The following ERG variants were observed in gnomAD, a reference collection of about 807,000 sequenced individuals.
ERG encodes the protein transcriptional regulator ERG.
In ERG, 9 loss-of-function variants were observed where a neutral mutation model predicts 55.3. The ratio of observed to expected loss-of-function variants is 0.16; its 90% CI spans 0.10 to 0.28. The LOEUF (loss-of-function observed/expected upper bound fraction) is 0.28, where lower values mean the gene tolerates loss of function less well. ERG is among the 10% of genes least tolerant of loss of function. The pLI, the probability that ERG is intolerant of heterozygous loss-of-function variation, is 1.00. For synonymous variants in ERG, 223 were observed against 237.3 expected (o/e 0.94, Z 0.55); for missense variants, 434 against 631.6 (o/e 0.69, Z 3.35).
intron 2 of ERG, among the ~76,000 whole-genome samples, chr21:38,503,544 AT>A (rs5843913): frequency 0.34 from 51,446 of 151,862 alleles, 9,273 homozygotes; most frequent in Middle Eastern, 0.47. Context: ...ATGTCTCGGC[AT>A]TCGGGAAGCC....
chr21:38,543,674 T>C (rs1230729326), intron 2 of ERG, among the ~76,000 whole-genome samples: 5 of 151,730 alleles, frequency 3.3e-5, no homozygotes, highest in Non-Finnish European at 5.9e-5. Context: ...AAGAGTAAAG[T>C]TAATAGCCTG....
At chr21:38,553,816 A>G (rs1019528230) in intron 2 of ERG, among the ~76,000 whole-genome samples, 1 of 152,140 alleles carries the variant, frequency 6.6e-6, no homozygotes, top group Non-Finnish European at 1.5e-5. Flanking sequence ...CAACAAAAAC[A>G]GAAATTGACA....
At position 38,610,618 on chromosome 21, in the gene ERG, T is replaced by C. The variant is rs150107520; in HGVS notation, c.-149-25673A>G. ...TCAGTGTAGACTGAAGCAGGGGAGA[T>C]TGAACTGCAATTGTACCAGTGCTTA... On this transcript the variant is annotated intron_variant, in intron 1 of 10. Transcript: ENST00000398910. Among the ~76,000 whole-genome samples, 44 of 152,222 alleles carry C rather than the reference T, an allele frequency of 2.9e-4. 1 individual carries two copies. In the East Asian group the frequency reaches 8.3e-3, roughly 29 times the overall value.
intron 3 of ERG, among the ~76,000 whole-genome samples, 175 bp downstream of exon 3, chr21:38,423,235 G>C (rs1274984817): frequency 1.3e-5 from 2 of 151,738 alleles, no homozygotes; most frequent in Admixed American, 6.6e-5. Context: ...CTTTGCTGTC[G>C]ATCCGTGAAC....
chr21:38,477,145 C>T (rs1375100495), intron 1 of ERG, among the ~76,000 whole-genome samples: 1 of 151,278 alleles, frequency 6.6e-6, no homozygotes, highest in African/African-American at 2.4e-5. Flanking sequence ...TCCCAAGTAG[C>T]TGGGACCGCA....
At position 38,416,883 on chromosome 21, in the gene ERG, C is replaced by T. The variant is rs190908474; in HGVS notation, c.388+6527G>A. Reference sequence around the variant, plus strand: ...GACACCGGGTGGTGAAAATGCAGCGCGTGAGTTGGGGATGTGGCAGAGGAA... The same window carrying T: ...GACACCGGGTGGTGAAAATGCAGCGTGTGAGTTGGGGATGTGGCAGAGGAA... On this transcript the variant is annotated intron_variant, in intron 3 of 9. Coordinates refer to ENST00000288319, the MANE Select transcript of ERG (RefSeq NM_182918.4). 1.3e-3 allele frequency among the ~76,000 whole-genome samples: 199 copies of T among 152,244 alleles called. 1 individual carries two copies. Among genetic ancestry groups the T allele is most frequent in the African/African-American group, 3.6e-3 (148 of 41,532 alleles).
At chr21:38,607,629 A>G (rs1371167467) in intron 1 of ERG, among the ~76,000 whole-genome samples, 1 of 151,984 alleles carries the variant, frequency 6.6e-6, no homozygotes, top group Non-Finnish European at 1.5e-5. Context: ...ACAGAGCCAG[A>G]CTCCGTCTCA....
At chr21:38,436,446 C>A (rs181354239) in intron 2 of ERG, among the ~76,000 whole-genome samples, 3 of 152,106 alleles carry the variant, frequency 2.0e-5, no homozygotes, top group East Asian at 1.9e-4. Context: ...GTGGAGAGAA[C>A]CTTGCTATCC....
chr21:38,646,104 C>G, intron 1 of ERG, among the ~76,000 whole-genome samples: 1 of 152,000 alleles, frequency 6.6e-6, no homozygotes, highest in East Asian at 1.9e-4. Flanking sequence ...CAGGACGAAA[C>G]CCTGTCTCTA....
intron 3 of ERG, among the ~76,000 whole-genome samples, chr21:38,418,599 A>G (rs1347285407): frequency 1.3e-5 from 2 of 152,056 alleles, no homozygotes; most frequent in Non-Finnish European, 1.5e-5. Flanking sequence ...TTTCCAGGTA[A>G]TCTTGATACA....
chr21:38,521,359 G>C (rs1039667998), intron 2 of ERG, among the ~76,000 whole-genome samples: 1 of 152,090 alleles, frequency 6.6e-6, no homozygotes, highest in Non-Finnish European at 1.5e-5. Flanking sequence ...GAGAAGTTAC[G>C]TCTCTTGCCC....
chr21:38,644,599 T>C (rs2060445166), intron 1 of ERG, among the ~76,000 whole-genome samples: 1 of 152,220 alleles, frequency 6.6e-6, no homozygotes, highest in African/African-American at 2.4e-5. Flanking sequence ...CTGGATTCCT[T>C]TCAATGTAGT....
chr21:38,617,821 G>A (rs1445892882), intron 1 of ERG, among the ~76,000 whole-genome samples: 1 of 152,116 alleles, frequency 6.6e-6, no homozygotes, highest in East Asian at 1.9e-4. Flanking sequence ...TTTCCCAAAG[G>A]GTTTGTTTAG....
intron 2 of ERG, among the ~76,000 whole-genome samples, chr21:38,549,910 T>C (rs763567810): frequency 1.7e-4 from 26 of 152,218 alleles, no homozygotes; most frequent in Admixed American, 2.0e-4. Flanking sequence ...CTGCCTTCCC[T>C]TGGCCATGCA....
Position 38,383,781 on chromosome 21 carries a change from C to A in ERG, c.1062G>T (p.Arg354=), listed in dbSNP as rs1364558839. ...PDEVARRWGE[R]KSKPNMNYDK... ...CGTAGTTCATGTTGGGTTTGCTCTT[C>A]CGCTCTCCCCAGCGCCGGGCCACCT... is the stretch of plus-strand genomic sequence containing the variant. Residue 354 remains arginine (R), a synonymous_variant, in exon 10 of 10, where the codon CGG becomes CGT. Transcript: ENST00000288319. This position sits in a 1 kb window ranked among gnomAD's most constrained non-coding sequence, Gnocchi z 5.7. 3.1e-6 allele frequency: 5 copies of A among 1,614,190 alleles called. No individual in the cohort carries two copies. The highest frequency in any genetic ancestry group is 3.4e-6 in the Non-Finnish European group (4 of 1,180,036).
At position 38,516,936 on chromosome 21, in the gene ERG, T is replaced by G. The variant is rs2059556608; in HGVS notation, c.-41+58726A>C. Among the ~76,000 whole-genome samples the G allele has an allele frequency of 2.6e-5, 4 of 152,054 alleles. No individual in the cohort carries two copies. The South Asian group carries it at 8.3e-4, about 31-fold the overall frequency. On this transcript the variant is annotated intron_variant, in intron 2 of 8. Coordinates refer to the ERG transcript ENST00000398897. ...ATATGCGAAAGAATAAAACTGGACC[T>G]CTATCTCTTGCCATATATAAAAATC...
At chr21:38,370,128 GT>G in the ERG span, among the ~76,000 whole-genome samples, 2 of 151,866 alleles carry the variant, frequency 1.3e-5, no homozygotes, top group Non-Finnish European at 2.9e-5. Context: ...ACTTTTTAAT[GT>G]TTGACAATAT....
At chr21:38,555,515 A>T (rs2059852941) in intron 2 of ERG, among the ~76,000 whole-genome samples, 1 of 152,106 alleles carries the variant, frequency 6.6e-6, no homozygotes, top group African/African-American at 2.4e-5. Flanking sequence ...TAACATCCTT[A>T]ACATAAAGGA....
chr21:38,528,337 A>G (rs954293638), intron 2 of ERG, among the ~76,000 whole-genome samples: 17 of 151,500 alleles, frequency 1.1e-4, no homozygotes, highest in Non-Finnish European at 2.1e-4. Flanking sequence ...GCTACTCAGG[A>G]GAATCACTTG....
Sources: allele counts gnomAD v4.1 joint callset (sites outside exome capture counted in the v4.1 genomes callset), GRCh38; gene constraint gnomAD v4.1.1; non-coding constraint Gnocchi (gnomAD v3.1); transcripts MANE v1.5; gene names NCBI Gene and HGNC (gene_info 2026-07-23, HGNC 2026-07-21).